The following ADGRL3 variants were observed in gnomAD, a reference collection of about 807,000 sequenced individuals.
ADGRL3 encodes the protein calcium-independent alpha-latrotoxin receptor 3.
Under a neutral mutation model 153.5 loss-of-function variants are expected in ADGRL3, and 62 were observed. That is an observed-to-expected ratio of 0.40 (90% CI 0.33 to 0.50). The LOEUF is 0.50. Ranked by LOEUF, ADGRL3 falls within the 20% of genes least tolerant of loss-of-function variation. ADGRL3 has a pLI of 0.47. For missense variants in ADGRL3, 1,641 were observed against 1,859.4 expected (o/e 0.88, Z 2.16); for synonymous variants, 710 against 672.5 (o/e 1.06, Z -0.86).
At chr4:61,400,474 A>G (rs2096916993) in intron 2 of ADGRL3, among the ~76,000 whole-genome samples, 1 of 151,840 alleles carries the variant, frequency 6.6e-6, no homozygotes, top group African/African-American at 2.4e-5. Context: ...CCTCTGTTAA[A>G]CCAGGCATCT....
At chr4:62,000,773 A>G (rs1404961663) in intron 21 of ADGRL3, among the ~76,000 whole-genome samples, 1 of 151,796 alleles carries the variant, frequency 6.6e-6, no homozygotes, top group Non-Finnish European at 1.5e-5. Context: ...CTTTGTTTTA[A>G]TTTTTATTTA....
chr4:61,467,326 C>T (rs144752576), intron 2 of ADGRL3, among the ~76,000 whole-genome samples: 2 of 152,180 alleles, frequency 1.3e-5, no homozygotes, highest in African/African-American at 2.4e-5. Context: ...TTGACATTCA[C>T]GTTCTATTCT....
intron 11 of ADGRL3, among the ~76,000 whole-genome samples, chr4:61,905,178 A>G (rs1342811795): frequency 6.6e-6 from 1 of 152,152 alleles, no homozygotes; most frequent in East Asian, 1.9e-4. Flanking sequence ...AGATATTCCT[A>G]TGCCCAGTGG....
intron 4 of ADGRL3, among the ~76,000 whole-genome samples, chr4:61,554,218 G>C (rs1397890622): frequency 1.0e-5 from 1 of 96,602 alleles, no homozygotes; most frequent in East Asian, 5.6e-4. Flanking sequence ...TTTTGAGACA[G>C]AGTCTTACTC....
chr4:61,302,336 G>A (rs2094605366), intron 1 of ADGRL3, among the ~76,000 whole-genome samples: 1 of 152,108 alleles, frequency 6.6e-6, no homozygotes, highest in Non-Finnish European at 1.5e-5. Context: ...AATTCACAGA[G>A]ACCAAAGAAG....
chr4:62,062,537 A>G (rs1740772460), intron 25 of ADGRL3, among the ~76,000 whole-genome samples: 5 of 151,856 alleles, frequency 3.3e-5, no homozygotes, highest in African/African-American at 1.2e-4. Flanking sequence ...TTCTTTATTC[A>G]TCTAACACAA....
intron 6 of ADGRL3, among the ~76,000 whole-genome samples, chr4:61,695,775 G>A (rs146789120): frequency 1.3e-5 from 2 of 152,222 alleles, no homozygotes; most frequent in African/African-American, 4.8e-5. Flanking sequence ...GTGTAGTGTA[G>A]CGTAGTAATG....
intron 5 of ADGRL3, among the ~76,000 whole-genome samples, chr4:61,602,925 A>T (rs551346749): frequency 6.6e-6 from 1 of 152,186 alleles, no homozygotes; most frequent in Non-Finnish European, 1.5e-5. Context: ...TTGAGCTATG[A>T]AAATGTCACT....
At chr4:61,691,232 T>A (rs1198198757) in intron 6 of ADGRL3, among the ~76,000 whole-genome samples, 2 of 152,214 alleles carry the variant, frequency 1.3e-5, no homozygotes, top group African/African-American at 2.4e-5. Flanking sequence ...CACTCGCTGC[T>A]ACTTAGGTAC....
intron 4 of ADGRL3, among the ~76,000 whole-genome samples, chr4:61,558,619 T>A (rs915983331): frequency 1.3e-5 from 2 of 151,954 alleles, no homozygotes; most frequent in African/African-American, 4.8e-5. Flanking sequence ...TATCTATCAA[T>A]CAATCATCTA....
chr4:61,688,407 T>C (rs1479625586), intron 6 of ADGRL3, among the ~76,000 whole-genome samples: 1 of 152,134 alleles, frequency 6.6e-6, no homozygotes, highest in Non-Finnish European at 1.5e-5. Context: ...TTTTGCCAGT[T>C]ACTAGCTGTG....
At chr4:61,631,601 C>T (rs1457469502) in intron 5 of ADGRL3, among the ~76,000 whole-genome samples, 2 of 152,020 alleles carry the variant, frequency 1.3e-5, no homozygotes, top group African/African-American at 4.8e-5. Context: ...CTATACATTA[C>T]CGTTAAAATA....
chr4:61,972,256 G>A (rs1413291077), intron 17 of ADGRL3, among the ~76,000 whole-genome samples: 1 of 152,146 alleles, frequency 6.6e-6, no homozygotes, highest in Non-Finnish European at 1.5e-5. Flanking sequence ...GAATGGTAAT[G>A]CCTAGGTTTT....
At chr4:61,560,548 GA>G (rs775357852) in intron 4 of ADGRL3, among the ~76,000 whole-genome samples, 12 of 152,072 alleles carry the variant, frequency 7.9e-5, no homozygotes, top group Non-Finnish European at 1.5e-5. Flanking sequence ...AACTATGGGG[GA>G]TACCTGCCTT....
At chr4:61,560,693 T>G (rs775300476) in intron 4 of ADGRL3, among the ~76,000 whole-genome samples, 3 of 152,028 alleles carry the variant, frequency 2.0e-5, no homozygotes, top group Non-Finnish European at 4.4e-5. Context: ...GGAGAATAAT[T>G]TACTCCCTTT....
intron 6 of ADGRL3, among the ~76,000 whole-genome samples, chr4:61,710,820 G>T (rs947006129): frequency 1.3e-5 from 2 of 152,104 alleles, no homozygotes; most frequent in Non-Finnish European, 2.9e-5. Flanking sequence ...GTCAAGCAAA[G>T]TTCATACACT....
intron 4 of ADGRL3, among the ~76,000 whole-genome samples, chr4:61,518,376 G>T (rs918256666): frequency 2.6e-5 from 3 of 116,010 alleles, no homozygotes; most frequent in East Asian, 2.6e-4. Flanking sequence ...TCTGACCCAA[G>T]AATTTCTTGA....
intron 8 of ADGRL3, among the ~76,000 whole-genome samples, chr4:61,780,030 C>T (rs1300328821): frequency 4.6e-5 from 7 of 152,116 alleles, no homozygotes; most frequent in Non-Finnish European, 8.8e-5. Context: ...TCCCTGTTCT[C>T]GACTTCCTAA....
chr4:62,044,867 T>C (rs541641994), intron 25 of ADGRL3, among the ~76,000 whole-genome samples: 148 of 152,190 alleles, frequency 9.7e-4, no homozygotes, highest in Non-Finnish European at 9.1e-4. Context: ...TGTGGCTGTA[T>C]AGTCGGCTAA....
Sources: gnomAD v4.1 joint callset for allele counts (sites outside exome capture counted in the v4.1 genomes callset) on GRCh38, gnomAD v4.1.1 for gene constraint, MANE v1.5 for transcripts, NCBI Gene and HGNC (gene_info 2026-07-23, HGNC 2026-07-21) for gene names.